PTPRD: variants seen among roughly 807,000 people sequenced by gnomAD.
PTPRD encodes the protein protein tyrosine phosphatase receptor type D, also known as receptor-type tyrosine-protein phosphatase delta.
PTPRD carries 34 observed loss-of-function variants against 214.5 expected under a neutral mutation model. That is an observed-to-expected ratio of 0.16 (90% CI 0.12 to 0.21). The LOEUF (loss-of-function observed/expected upper bound fraction) is 0.21. Ranked by LOEUF, PTPRD falls within the 10% of genes least tolerant of loss-of-function variation. The pLI is 1.00. For synonymous variants in PTPRD, 1,128 were observed against 845.7 expected (o/e 1.33, Z -5.79); for missense variants, 2,545 against 2,398.7 (o/e 1.06, Z -1.27).
At chr9:9,626,025 C>T (rs930558587) in intron 7 of PTPRD, among the ~76,000 whole-genome samples, 2 of 152,048 alleles carry the variant, frequency 1.3e-5, no homozygotes, top group Non-Finnish European at 2.9e-5. Context: ...AATAGGTAAG[C>T]GAAAGAGCAT....
chr9:8,632,574 G>T (rs2096286404), intron 14 of PTPRD, among the ~76,000 whole-genome samples: 1 of 151,932 alleles, frequency 6.6e-6, no homozygotes, highest in African/African-American at 2.4e-5. Flanking sequence ...AATTGGGAAT[G>T]TTCGTATCTC....
intron 44 of PTPRD, among the ~76,000 whole-genome samples, chr9:8,321,841 A>T (rs1047645583): frequency 6.6e-6 from 1 of 151,800 alleles, no homozygotes; most frequent in African/African-American, 2.4e-5. Context: ...TACTTTATGG[A>T]GTTTTGCAGA....
rs560587128 is a variant in PTPRD at position 9,725,160 on chromosome 9, A to G, written c.-287+9373T>C. Among the ~76,000 whole-genome samples, 15 of 152,292 alleles carry G rather than the reference A, an allele frequency of 9.8e-5. No individual in the cohort carries two copies. In the South Asian group the frequency reaches 2.9e-3, roughly 29 times the overall value. ...GGTTCTGTGTCCCCAATCAAATCTCATCTTGTAGCTCCTAAAATTCCCTCG... is the reference window on the plus strand; with the variant it reads ...GGTTCTGTGTCCCCAATCAAATCTCGTCTTGTAGCTCCTAAAATTCCCTCG... On this transcript the variant is annotated intron_variant, in intron 7 of 45. Coordinates refer to ENST00000381196, the MANE Select transcript of PTPRD (RefSeq NM_002839.4).
chr9:10,247,750 G>T (rs563441489), intron 3 of PTPRD, among the ~76,000 whole-genome samples: 1 of 152,126 alleles, frequency 6.6e-6, no homozygotes, highest in East Asian at 1.9e-4. Context: ...AGAGAAAGAA[G>T]TGGCAAGGGA....
chr9:9,199,719 T>C (rs1437176673), intron 9 of PTPRD, among the ~76,000 whole-genome samples: 1 of 152,232 alleles, frequency 6.6e-6, no homozygotes, highest in East Asian at 1.9e-4. Flanking sequence ...GTCAATTTCC[T>C]AAATAAAGGT....
chr9:8,675,562 A>C (rs914509670), intron 12 of PTPRD, among the ~76,000 whole-genome samples: 1 of 114,014 alleles, frequency 8.8e-6, no homozygotes, highest in Non-Finnish European at 1.9e-5. Flanking sequence ...AAAAAAAAAA[A>C]ACCTCACGCC....
intron 12 of PTPRD, among the ~76,000 whole-genome samples, chr9:8,670,476 C>G (rs2097260906): frequency 6.6e-6 from 1 of 152,056 alleles, no homozygotes; most frequent in South Asian, 2.1e-4. Context: ...CTGTGTCTGG[C>G]TAATAAGTAG....
chr9:9,814,645 G>T lies in PTPRD; in HGVS notation c.-367-47794C>A, dbSNP rs1041963521. ...GTGAAATAAATTGAAGAAGACACAAGTAAATAAAATGTTCAAATGTCCATA... is the reference window on the plus strand; with the variant it reads ...GTGAAATAAATTGAAGAAGACACAATTAAATAAAATGTTCAAATGTCCATA... On this transcript the variant is annotated intron_variant, in intron 5 of 45. Transcript: ENST00000381196. 3.9e-5 allele frequency among the ~76,000 whole-genome samples: 6 copies of T among 152,000 alleles called. No homozygotes were observed. The South Asian group carries it at 1.0e-3, about 26-fold the overall frequency.
At chr9:9,042,399 G>C (rs534012663) in intron 10 of PTPRD, among the ~76,000 whole-genome samples, 52 of 152,232 alleles carry the variant, frequency 3.4e-4, no homozygotes, top group African/African-American at 1.2e-3. Context: ...CGTGCCAGGA[G>C]GCAGGAGAAC....
At chr9:9,315,833 CTTTTTTTT>C (rs566821610) in intron 9 of PTPRD, among the ~76,000 whole-genome samples, 56 of 93,326 alleles carry the variant, frequency 6.0e-4, no homozygotes, top group African/African-American at 1.8e-3. Context: ...TAGCAGACAA[CTTTTTTTT>C]TTTTTTTTTT....
intron 8 of PTPRD, among the ~76,000 whole-genome samples, chr9:9,494,576 G>A (rs2096082868): frequency 1.3e-5 from 2 of 152,142 alleles, no homozygotes; most frequent in Non-Finnish European, 2.9e-5. Flanking sequence ...CACTAACAAT[G>A]AGCAATTTGA....
At chr9:9,070,344 T>G (rs1411933162) in intron 10 of PTPRD, among the ~76,000 whole-genome samples, 1 of 152,188 alleles carries the variant, frequency 6.6e-6, no homozygotes, top group Non-Finnish European at 1.5e-5. Flanking sequence ...TTCATTCCAT[T>G]ATAGAAATAT....
At chr9:10,395,559 T>C (rs1051462326) in intron 2 of PTPRD, among the ~76,000 whole-genome samples, 8 of 151,878 alleles carry the variant, frequency 5.3e-5, no homozygotes, top group Admixed American at 5.3e-4. Context: ...CAATGAGAAA[T>C]AAGATGATTA....
intron 12 of PTPRD, among the ~76,000 whole-genome samples, chr9:8,697,727 A>G (rs1300215983): frequency 1.3e-5 from 2 of 151,792 alleles, no homozygotes; most frequent in East Asian, 3.9e-4. Context: ...CCAGGCCTGG[A>G]TTTTTTTAAA....
At chr9:8,892,496 T>A (rs939413124) in intron 11 of PTPRD, among the ~76,000 whole-genome samples, 1 of 151,516 alleles carries the variant, frequency 6.6e-6, no homozygotes, top group African/African-American at 2.4e-5. Flanking sequence ...ATAAATATAA[T>A]AATAATACAA....
At chr9:9,792,256 A>G (rs1366208158) in intron 5 of PTPRD, among the ~76,000 whole-genome samples, 1 of 152,136 alleles carries the variant, frequency 6.6e-6, no homozygotes, top group Non-Finnish European at 1.5e-5. Flanking sequence ...CATGTTATTT[A>G]ATGCTGTTTC....
intron 11 of PTPRD, among the ~76,000 whole-genome samples, chr9:8,945,778 A>T (rs557290772): frequency 6.6e-6 from 1 of 152,268 alleles, no homozygotes; most frequent in Admixed American, 6.5e-5. Flanking sequence ...ATACAGTCCC[A>T]TCTAGCTAAG....
chr9:9,960,059 C>G (rs1587382526), intron 4 of PTPRD, among the ~76,000 whole-genome samples: 1 of 151,972 alleles, frequency 6.6e-6, no homozygotes, highest in African/African-American at 2.4e-5. Flanking sequence ...ATAACATTCT[C>G]TAATAAAAAG....
Position 10,279,900 on chromosome 9 carries a change from AT to A in PTPRD, c.-545+61062del, listed in dbSNP as rs1342876812. On this transcript the variant is annotated intron_variant, in intron 3 of 45. Coordinates refer to ENST00000381196, the MANE Select transcript of PTPRD (RefSeq NM_002839.4). ...GTTATCCTCATTTATATAAATTCTT[AT>A]CTTTTAACTAGTAAGAATTCCACCC... Among the ~76,000 whole-genome samples, 3 of 149,686 alleles carry A rather than the reference AT, an allele frequency of 2.0e-5. No individual in the cohort carries two copies. In the Admixed American group the frequency reaches 2.1e-4, roughly 10 times the overall value.
Sources: gnomAD v4.1 joint callset for allele counts (sites outside exome capture counted in the v4.1 genomes callset) on GRCh38, gnomAD v4.1.1 for gene constraint, MANE v1.5 for transcripts, NCBI Gene and HGNC (gene_info 2026-07-23, HGNC 2026-07-21) for gene names.